The following PRKD3 variants were observed in gnomAD, a reference collection of about 807,000 sequenced individuals.
The protein encoded by PRKD3 is serine/threonine-protein kinase D3.
PRKD3 carries 47 observed loss-of-function variants against 99.2 expected under a neutral mutation model. That is an observed-to-expected ratio of 0.47 (90% CI 0.38 to 0.60). The LOEUF (loss-of-function observed/expected upper bound fraction) is 0.60. Among genes scored for constraint, PRKD3 ranks in the 20% least tolerant of loss-of-function variants. The pLI is 0.00. For missense variants in PRKD3, 1,019 were observed against 1,088.4 expected, an observed-to-expected ratio of 0.94 and a Z score of 0.90; for synonymous variants, 392 against 355.4, an observed-to-expected ratio of 1.10 and a Z score of -1.16.
intron 13 of PRKD3, chr2:37,269,183 A>G (rs551828139): frequency 1.0e-5 from 2 of 195,468 alleles, no homozygotes; most frequent in Non-Finnish European, 2.2e-5. Flanking sequence ...AATATCCTAA[A>G]TCGCAAAGTT....
rs373013004 is a variant in PRKD3 at position 37,274,608 on chromosome 2, G to A, written c.1464C>T (p.Ile488=). 3 of 1,614,034 alleles carry A rather than the reference G, an allele frequency of 1.9e-6. No individual in the cohort carries two copies. In the African/African-American group the frequency reaches 4.0e-5, roughly 22 times the overall value. Residue 488 remains isoleucine (I), a synonymous_variant, in exon 11 of 19, where the codon ATC becomes ATT. Transcript: ENST00000234179. ...CGAAGTATACCATAGTATCAGTAATGATTTCAAAACAGTGTGGATTGCTGC... is the reference window on the plus strand; with the variant it reads ...CGAAGTATACCATAGTATCAGTAATAATTTCAAAACAGTGTGGATTGCTGC... The part of the protein sequence containing the change: ...SQGSNPHCFE[I]ITDTMVYFVG...
At chr2:37,300,915 G>C (rs1322546991) in intron 2 of PRKD3, among the ~76,000 whole-genome samples, 2 of 152,174 alleles carry the variant, frequency 1.3e-5, no homozygotes, top group Non-Finnish European at 2.9e-5. Flanking sequence ...ACTTCTGCAA[G>C]TAATATATTG....
At chr2:37,291,985 G>C (rs1670450985) in intron 3 of PRKD3, among the ~76,000 whole-genome samples, 1 of 152,038 alleles carries the variant, frequency 6.6e-6, no homozygotes, top group African/African-American at 2.4e-5. Context: ...CAAATAGTGG[G>C]AATTAAAAAA....
At chr2:37,283,496 T>C (rs1312843197) in intron 6 of PRKD3, among the ~76,000 whole-genome samples, 1 of 152,228 alleles carries the variant, frequency 6.6e-6, no homozygotes, top group East Asian at 1.9e-4. Flanking sequence ...TAAAGATCAT[T>C]ATATGACATA....
intron 5 of PRKD3, among the ~76,000 whole-genome samples, chr2:37,287,689 G>T (rs999885659): frequency 1.3e-5 from 2 of 152,100 alleles, no homozygotes; most frequent in African/African-American, 4.8e-5. Flanking sequence ...ACAGGGCCTG[G>T]CATACAATAA....
rs550094465 is a variant in PRKD3 at position 37,322,147 on chromosome 2, C to T, written c.-656+2534G>A. ...TCTTTTACCACGTAAAAGTATGTGGCCTTTTTCAATGCAATTCTGACCAGC... is the reference window on the plus strand; with the variant it reads ...TCTTTTACCACGTAAAAGTATGTGGTCTTTTTCAATGCAATTCTGACCAGC... On this transcript the variant is annotated intron_variant, in intron 1 of 18. Coordinates refer to ENST00000234179, the MANE Select transcript of PRKD3 (RefSeq NM_005813.6). Among the ~76,000 whole-genome samples the T allele has an allele frequency of 2.0e-5, 3 of 152,262 alleles. No homozygotes were observed. The South Asian group carries it at 6.2e-4, about 32-fold the overall frequency.
rs1667751665 is a variant in PRKD3, at chr2:37,254,194, T to A, written c.2499+10A>T. On this transcript the variant is annotated intron_variant, in intron 18 of 18. Coordinates refer to ENST00000234179, the MANE Select transcript of PRKD3 (RefSeq NM_005813.6). ...GAGGATTGCCAAAGAGAGATTACATTTTTTTTTACCTGTAGCCAGGGATGA... is the reference window on the plus strand; with the variant it reads ...GAGGATTGCCAAAGAGAGATTACATATTTTTTTACCTGTAGCCAGGGATGA... The A allele has an allele frequency of 6.3e-7, 1 of 1,592,188 alleles. No homozygotes were observed.
At chr2:37,313,612 AAC>A (rs1183664771) in intron 2 of PRKD3, among the ~76,000 whole-genome samples, 1 of 152,258 alleles carries the variant, frequency 6.6e-6, no homozygotes, top group Admixed American at 6.5e-5. Context: ...TACATAGGAA[AAC>A]AGAGAGGTCA....
In PRKD3 at chr2:37,256,834, A is replaced by T. The variant is rs749782681; in HGVS notation, c.2241T>A (p.Val747=). 6.2e-7 allele frequency: 1 copy of T among 1,613,948 alleles called. No individual in the cohort carries two copies. Among genetic ancestry groups the T allele is most frequent in the South Asian group, 1.1e-5 (1 of 91,072 alleles). The change falls in exon 17 of 19, where the codon GTT becomes GTA. Residue 747 remains valine (V), a synonymous_variant. Transcript: ENST00000234179. ...AACGGTTGTAACCTTTGCTCCGGAG[A>T]ACTTCAGGGGCTAAGTATGCTGGAG... is the stretch of plus-strand genomic sequence containing the variant. ...VGTPAYLAPE[V]LRSKGYNRSL...
chr2:37,257,607 A>C (rs1668062801), intron 16 of PRKD3, among the ~76,000 whole-genome samples: 2 of 137,316 alleles, frequency 1.5e-5, no homozygotes, highest in Admixed American at 1.7e-4. Context: ...CAGAGCTTGC[A>C]GTGAGTCGAG....
chr2:37,274,294 CTAAAG>C, intron 11 of PRKD3, 122 bp downstream of exon 11: 1 of 1,055,018 alleles, frequency 9.5e-7, no homozygotes, highest in Non-Finnish European at 1.4e-6. Flanking sequence ...GTATTGGTTA[CTAAAG>C]TATTGGTTAC....
intron 2 of PRKD3, among the ~76,000 whole-genome samples, chr2:37,310,716 G>A (rs1671387335): frequency 6.6e-6 from 1 of 152,160 alleles, no homozygotes; most frequent in Admixed American, 6.5e-5. Flanking sequence ...AAAACTTGCT[G>A]GAGGTCTAAG....
At chr2:37,304,547 C>T (rs1284925135) in intron 2 of PRKD3, among the ~76,000 whole-genome samples, 1 of 151,978 alleles carries the variant, frequency 6.6e-6, no homozygotes, top group Non-Finnish European at 1.5e-5. Context: ...TTGAGACCAG[C>T]CTGGCCAACA....
intron 5 of PRKD3, among the ~76,000 whole-genome samples, chr2:37,288,837 C>T (rs757084499): frequency 1.3e-5 from 2 of 152,030 alleles, no homozygotes; most frequent in Admixed American, 6.6e-5. Context: ...GGGCAGATCA[C>T]GAGGTCAGGA....
At chr2:37,273,894 T>C (rs544937523) in intron 11 of PRKD3, among the ~76,000 whole-genome samples, 1 of 152,358 alleles carries the variant, frequency 6.6e-6, no homozygotes, top group South Asian at 2.1e-4. Flanking sequence ...GTGCAAAACA[T>C]GTTTCAGTGA....
At chr2:37,272,235 A>T in intron 12 of PRKD3, 145 bp downstream of exon 12, 2 of 1,236,080 alleles carry the variant, frequency 1.6e-6, no homozygotes, top group Non-Finnish European at 2.2e-6. Context: ...TCCTCTATAA[A>T]GCAGAACTCC....
At chr2:37,289,794 C>T (rs1345713745) in intron 4 of PRKD3, among the ~76,000 whole-genome samples, 1 of 152,132 alleles carries the variant, frequency 6.6e-6, no homozygotes, top group Non-Finnish European at 1.5e-5. Context: ...AGGCTCCACC[C>T]CAGATCTACT....
At position 37,259,640 on chromosome 2, in the gene PRKD3, C is replaced by A; in HGVS notation, c.2088G>T (p.Val696=). 6.2e-7 allele frequency: 1 copy of A among 1,613,498 alleles called. No individual in the cohort carries two copies. The stretch of plus-strand genomic sequence containing the variant: ...CATTTTCTGGCTTTAAATCACAGTG[C>A]ACAATATTCTTAAAATGCAGATTCC... ...ALRNLHFKNI[V]HCDLKPENVL... Residue 696 remains valine (V), a synonymous_variant, in exon 16 of 19, where the codon GTG becomes GTT. Transcript: ENST00000234179.
chr2:37,318,804 A>C (rs1033132330), intron 1 of PRKD3, among the ~76,000 whole-genome samples: 33 of 152,244 alleles, frequency 2.2e-4, no homozygotes, highest in African/African-American at 7.7e-4. Context: ...ATCTTGGAGA[A>C]AGAGCTCAAA....
Sources: allele counts gnomAD v4.1 joint callset (sites outside exome capture counted in the v4.1 genomes callset), GRCh38; gene constraint gnomAD v4.1.1; transcripts MANE v1.5; gene names NCBI Gene and HGNC (gene_info 2026-07-23, HGNC 2026-07-21).